Variants in EPS8 observed in about 807,000 individuals in gnomAD.
EPS8 encodes epidermal growth factor receptor kinase substrate 8.
In EPS8, 42 loss-of-function variants were observed where a neutral mutation model predicts 103.8. That is an observed-to-expected ratio of 0.40 (90% CI 0.32 to 0.52). The LOEUF is 0.52. Ranked by LOEUF, EPS8 falls within the 20% of genes least tolerant of loss-of-function variation. EPS8 has a pLI of 0.40. For synonymous variants in EPS8, 344 were observed against 344.6 expected, an observed-to-expected ratio of 1.00 and a Z score of 0.02; for missense variants, 969 against 1,005.1, an observed-to-expected ratio of 0.96 and a Z score of 0.49.
chr12:15,692,316 T>G lies in EPS8; in HGVS notation c.-21-9344A>C, dbSNP rs1056421700. On this transcript the variant is annotated intron_variant, in intron 1 of 20. Transcript: ENST00000281172. ...TTTCAAATTGTAGATTGAAAGAGGT[T>G]TGGTTTTTTTTTTTTTTTTTTTTTT... Among the ~76,000 whole-genome samples, 3 of 68,530 alleles carry G rather than the reference T, an allele frequency of 4.4e-5. No homozygotes were observed. In the South Asian group the frequency reaches 2.8e-3, roughly 65 times the overall value. 45.0% of individuals were successfully genotyped at this position (68,530 alleles called of 152,430 possible).
Position 15,653,823 on chromosome 12 carries a change from G to A in EPS8, c.1250+322C>T, listed in dbSNP as rs7306648. On this transcript the variant is annotated intron_variant, in intron 13 of 20. Coordinates refer to ENST00000281172, the MANE Select transcript of EPS8 (RefSeq NM_004447.6). ...CGCGCGCGCGCGCATGTGTATGTGTGTGTGAACCCTATGTGTACCTGTCGA... is the reference window on the plus strand; with the variant it reads ...CGCGCGCGCGCGCATGTGTATGTGTATGTGAACCCTATGTGTACCTGTCGA... Among the ~76,000 whole-genome samples the A allele has an allele frequency of 0.79, 120,473 of 152,200 alleles. 53,290 individuals carry two copies. Among genetic ancestry groups the A allele is most frequent in the Non-Finnish European group, 0.97 (65,954 of 68,014 alleles).
chr12:15,676,369 T>A (rs1486315787), intron 3 of EPS8, among the ~76,000 whole-genome samples: 1 of 150,974 alleles, frequency 6.6e-6, no homozygotes, highest in African/African-American at 2.4e-5. Context: ...GAAGCCATGC[T>A]AGAAGCTCAC....
intron 1 of EPS8, among the ~76,000 whole-genome samples, chr12:15,709,798 T>A (rs924267867): frequency 6.6e-6 from 1 of 152,174 alleles, no homozygotes; most frequent in African/African-American, 2.4e-5. Context: ...CAGGGACTGG[T>A]TTCATGGAAG....
At chr12:15,763,168 G>C (rs753341728) in intron 1 of EPS8, among the ~76,000 whole-genome samples, 15 of 152,096 alleles carry the variant, frequency 9.9e-5, no homozygotes, top group Non-Finnish European at 2.1e-4. Context: ...AAATAGATAG[G>C]AGTTGCTTGT....
At chr12:15,667,311 T>TA (rs1945731928) in intron 6 of EPS8, among the ~76,000 whole-genome samples, 1 of 152,152 alleles carries the variant, frequency 6.6e-6, no homozygotes, top group Non-Finnish European at 1.5e-5. Context: ...ATGGGATATT[T>TA]AAAAGAGCAT....
intron 15 of EPS8, among the ~76,000 whole-genome samples, chr12:15,645,276 C>T (rs1459980177): frequency 2.0e-5 from 3 of 151,888 alleles, no homozygotes; most frequent in African/African-American, 7.3e-5. Context: ...TTTTTTATCC[C>T]GATGAACTGA....
intron 7 of EPS8, 89 bp from the exon 8 acceptor site, chr12:15,665,981 T>A: frequency 7.4e-7 from 1 of 1,350,822 alleles, no homozygotes; most frequent in Non-Finnish European, 1.0e-6. Flanking sequence ...GTTATTAAAA[T>A]TCAAAAAGAA....
rs957884667 is a variant in EPS8 at position 15,696,362 on chromosome 12, C to A, written c.-21-13390G>T. 1.3e-5 allele frequency among the ~76,000 whole-genome samples: 2 copies of A among 152,044 alleles called. No individual in the cohort carries two copies. Among genetic ancestry groups the A allele is most frequent in the Admixed American group, 1.3e-4 (2 of 15,268 alleles). On this transcript the variant is annotated intron_variant, in intron 1 of 20. Transcript: ENST00000281172. The surrounding 1 kb of genome is among the most constrained non-coding windows in gnomAD (Gnocchi z 4.8). The stretch of plus-strand genomic sequence containing the variant: ...TCCAAGTTTAAGAACATGGACTTGG[C>A]CGGGTGCAGTGGCTCACAACTGTAA...
At chr12:15,646,600 T>C (rs1391873745) in intron 15 of EPS8, among the ~76,000 whole-genome samples, 1 of 152,150 alleles carries the variant, frequency 6.6e-6, no homozygotes, top group African/African-American at 2.4e-5. Flanking sequence ...AGTGAAGATA[T>C]AGAAAAATAA....
rs1364077587 is a variant in EPS8, at chr12:15,735,509, T to A, written c.-21-52537A>T. Among the ~76,000 whole-genome samples the A allele has an allele frequency of 1.3e-5, 2 of 152,218 alleles. No individual in the cohort carries two copies. Among genetic ancestry groups the A allele is most frequent in the African/African-American group, 4.8e-5 (2 of 41,464 alleles). ...GGAAGTACTGAAAAAGCTAACATTC[T>A]AAGATTAAAACTATGATTTGAATCC... On this transcript the variant is annotated intron_variant, in intron 1 of 20. Transcript: ENST00000281172. The surrounding 1 kb of genome is among the most constrained non-coding windows in gnomAD (Gnocchi z 4.4).
intron 12 of EPS8, 168 bp downstream of exon 12, chr12:15,657,911 A>G (rs1467353331): frequency 3.4e-6 from 2 of 592,914 alleles, no homozygotes; most frequent in Non-Finnish European, 6.0e-6. Flanking sequence ...GATGATTTAC[A>G]GGGTTCTTTT....
intron 6 of EPS8, among the ~76,000 whole-genome samples, chr12:15,666,963 A>G (rs1354241925): frequency 6.6e-6 from 1 of 152,232 alleles, no homozygotes; most frequent in African/African-American, 2.4e-5. Flanking sequence ...TACTACACCC[A>G]TAAGATAAAC....
chr12:15,758,136 C>T (rs912661524), intron 1 of EPS8, among the ~76,000 whole-genome samples: 2 of 152,154 alleles, frequency 1.3e-5, no homozygotes, highest in Admixed American at 1.3e-4. Context: ...TGACTTCTAC[C>T]TTACTTCATT....
At position 15,733,598 on chromosome 12, in the gene EPS8, T is replaced by A. The variant is rs371531907; in HGVS notation, c.-21-50626A>T. Among the ~76,000 whole-genome samples the A allele has an allele frequency of 2.1e-4, 32 of 152,008 alleles. No homozygotes were observed. In the South Asian group the frequency reaches 6.5e-3, roughly 31 times the overall value. On this transcript the variant is annotated intron_variant, in intron 1 of 20. Coordinates refer to ENST00000281172, the MANE Select transcript of EPS8 (RefSeq NM_004447.6). The surrounding 1 kb of genome is among the most constrained non-coding windows in gnomAD (Gnocchi z 4.8). ...ATGTGAAAACACCTCAGCCCAGAGA[T>A]AAGAGGACCACATGTTCTTGGTGGA...
Position 15,781,684 on chromosome 12 carries a change from A to G in EPS8, c.-22+7477T>C, listed in dbSNP as rs1947262133. 1 of 152,200 alleles carries G rather than the reference A, an allele frequency of 6.6e-6. No individual in the cohort carries two copies. Among genetic ancestry groups the G allele is most frequent in the Non-Finnish European group, 1.5e-5 (1 of 68,060 alleles). 9.4% of individuals were successfully genotyped at this position (152,200 alleles called of 1,614,324 possible). A position where few individuals can be genotyped will look rare whatever the true frequency, so the allele number is the denominator to read the frequency against. On this transcript the variant is annotated intron_variant, in intron 1 of 20. Transcript: ENST00000281172. The surrounding 1 kb of genome is among the most constrained non-coding windows in gnomAD (Gnocchi z 4.1). ...TGTCCTACTCTGTTTTCTGTTGCTT[A>G]TAACAGAATACCTGAAATGGGTAAT...
At chr12:15,668,963 C>G (rs928300060) in intron 6 of EPS8, among the ~76,000 whole-genome samples, 1 of 152,174 alleles carries the variant, frequency 6.6e-6, no homozygotes, top group African/African-American at 2.4e-5. Flanking sequence ...GTGATTATAG[C>G]TCACTGTAAT....
In EPS8 at chr12:15,621,296, G is replaced by C. The variant is rs1197424217; in HGVS notation, c.*21C>G. 7.5e-7 allele frequency: 1 copy of C among 1,326,120 alleles called. No homozygotes were observed. The highest frequency in any genetic ancestry group is 1.1e-6 in the Non-Finnish European group (1 of 945,490). 82.1% of individuals were successfully genotyped at this position (1,326,120 alleles called of 1,614,324 possible). A position where few individuals can be genotyped will look rare whatever the true frequency, so the allele number is the denominator to read the frequency against. Reference sequence around the variant, plus strand: ...TTGGAATAATGCCAAAAACAATGGAGTTTAAATACAAACAAACAAATTAGT... The same window carrying C: ...TTGGAATAATGCCAAAAACAATGGACTTTAAATACAAACAAACAAATTAGT... On this transcript the variant is annotated 3_prime_UTR_variant, in exon 21 of 21. Transcript: ENST00000281172.
intron 1 of EPS8, among the ~76,000 whole-genome samples, chr12:15,707,941 T>C (rs1464928810): frequency 6.6e-6 from 1 of 152,200 alleles, no homozygotes; most frequent in African/African-American, 2.4e-5. Flanking sequence ...TCCCCTTTTA[T>C]GTATAAGCCC....
At position 15,658,259 on chromosome 12, in the gene EPS8, T is replaced by TTTAATATA. The variant is rs1945543240; in HGVS notation, c.1027-114_1027-107dup. On this transcript the variant is annotated intron_variant, in intron 11 of 20. Transcript: ENST00000281172. ...GACGGTCTTTACCACCAGATTCAGT[T>TTTAATATA]TTAATATATTCTTTAGCATGGATAG... 8 of 746,190 alleles carry TTTAATATA rather than the reference T, an allele frequency of 1.1e-5. No homozygotes were observed. In the East Asian group the frequency reaches 2.1e-4, roughly 20 times the overall value. 46.2% of individuals were successfully genotyped at this position (746,190 alleles called of 1,614,324 possible).
Sources: gnomAD v4.1 joint callset for allele counts (sites outside exome capture counted in the v4.1 genomes callset) on GRCh38, gnomAD v4.1.1 for gene constraint, Gnocchi (gnomAD v3.1) non-coding constraint, MANE v1.5 for transcripts, NCBI Gene and HGNC (gene_info 2026-07-23, HGNC 2026-07-21) for gene names.